Variants in ABCA13 observed in about 807,000 individuals in gnomAD.
ABCA13 encodes ATP binding cassette subfamily A member 13, also known as ATP-binding cassette sub-family A member 13.
Under a neutral mutation model 478.7 loss-of-function variants are expected in ABCA13, and 476 were observed. That is an observed-to-expected ratio of 0.99 (90% confidence interval 0.92 to 1.07). ABCA13 has a LOEUF of 1.07. Ranked by LOEUF, ABCA13 falls within the 50% of genes least tolerant of loss-of-function variation. The pLI, the probability that ABCA13 is intolerant of heterozygous loss-of-function variation, is 0.00. For synonymous variants in ABCA13, 2,252 were observed against 2,158.9 expected, an observed-to-expected ratio of 1.04 and a Z score of -1.20; for missense variants, 6,060 against 5,910.6, an observed-to-expected ratio of 1.03 and a Z score of -0.83.
At position 48,483,423 on chromosome 7, in the gene ABCA13, T is replaced by C. The variant is rs185659715; in HGVS notation, c.13182+260T>C. ...ATATAAAGTGGAGGAAAAAATCTAT[T>C]TTCAAAGATACCCACAGTTGTCATA... On this transcript the variant is annotated intron_variant, in intron 47 of 61. Transcript: ENST00000435803. 1.8e-3 allele frequency among the ~76,000 whole-genome samples: 267 copies of C among 152,338 alleles called. 1 individual carries two copies. The highest frequency in any genetic ancestry group is 6.2e-3 in the African/African-American group (256 of 41,580).
intron 34 of ABCA13, among the ~76,000 whole-genome samples, chr7:48,375,615 T>C (rs532777073): frequency 6.6e-6 from 1 of 150,414 alleles, no homozygotes; most frequent in Admixed American, 6.6e-5. Flanking sequence ...TGGTTTTTTT[T>C]GGGGGGGGGT....
At chr7:48,246,357 G>C (rs1187134698) in intron 13 of ABCA13, among the ~76,000 whole-genome samples, 2 of 149,622 alleles carry the variant, frequency 1.3e-5, no homozygotes, top group Admixed American at 6.7e-5. Context: ...GGAGTCTCTG[G>C]TGATTAGTCA....
intron 52 of ABCA13, among the ~76,000 whole-genome samples, chr7:48,518,654 A>G (rs1046803239): frequency 6.6e-5 from 10 of 152,058 alleles, no homozygotes; most frequent in African/African-American, 2.4e-4. Context: ...TTTTGATATT[A>G]TTTGCTTAGG....
At chr7:48,311,405 G>A (rs1291203411) in intron 24 of ABCA13, among the ~76,000 whole-genome samples, 3 of 152,030 alleles carry the variant, frequency 2.0e-5, no homozygotes, top group Non-Finnish European at 2.9e-5. Context: ...CGTATTTTTC[G>A]CTAACATGCT....
rs1014981516 is a variant in ABCA13, at chr7:48,193,100, A to G, written c.163+48A>G. The G allele has an allele frequency of 1.3e-5, 17 of 1,319,820 alleles. No homozygotes were observed. The African/African-American group carries it at 1.3e-4, about 10-fold the overall frequency. The allele number at this position is 1,319,820 out of a possible 1,614,324, so 81.8% of individuals were successfully genotyped here. A position where few individuals can be genotyped will look rare whatever the true frequency, so the allele number is the denominator to read the frequency against. On this transcript the variant is annotated intron_variant, in intron 2 of 61. Transcript: ENST00000435803. Reference sequence around the variant, plus strand: ...CTTTTTGAATTAACCTTTGGAGAAAAAAAACTCATAGCACTCTTTCTTGTT... The same window carrying G: ...CTTTTTGAATTAACCTTTGGAGAAAGAAAACTCATAGCACTCTTTCTTGTT...
At chr7:48,616,779 G>A (rs1299427290) in intron 59 of ABCA13, among the ~76,000 whole-genome samples, 1 of 152,144 alleles carries the variant, frequency 6.6e-6, no homozygotes, top group African/African-American at 2.4e-5. Flanking sequence ...CTAACACTTT[G>A]GGAGGATGAA....
chr7:48,308,247 G>A (rs765934013), intron 23 of ABCA13, among the ~76,000 whole-genome samples: 5 of 152,096 alleles, frequency 3.3e-5, no homozygotes, highest in Non-Finnish European at 7.4e-5. Flanking sequence ...CCCACTGGGC[G>A]GTCTTCAGGG....
intron 1 of ABCA13, among the ~76,000 whole-genome samples, chr7:48,179,266 G>A (rs1162987394): frequency 6.6e-6 from 1 of 152,172 alleles, no homozygotes; most frequent in African/African-American, 2.4e-5. Context: ...ATTGGAGGCC[G>A]CGGCTATTTA....
rs770501199 is a variant in ABCA13 at position 48,288,004 on chromosome 7, T to C, written c.8881T>C (p.Cys2961Arg). The C allele has an allele frequency of 5.6e-6, 9 of 1,614,026 alleles. No individual in the cohort carries two copies. Among genetic ancestry groups the C allele is most frequent in the Middle Eastern group, 1.6e-4 (1 of 6,062 alleles). Residue 2961 changes from cysteine (C) to arginine (R), a missense_variant, in exon 20 of 62, where the codon TGC becomes CGC. Transcript: ENST00000435803. ...TKDILCATLS[C>R]KQNGIRHLIL... ...GGACATTTTGTGTGCTACTCTGAGT[T>C]GCAAGCAAAATGGGATAAGGCATCT...
At chr7:48,584,697 A>G (rs937309381) in intron 56 of ABCA13, among the ~76,000 whole-genome samples, 4 of 152,176 alleles carry the variant, frequency 2.6e-5, no homozygotes, top group African/African-American at 4.8e-5. Flanking sequence ...TTTCACAAAT[A>G]TATGTGTAGC....
intron 23 of ABCA13, among the ~76,000 whole-genome samples, chr7:48,306,286 T>TA (rs912549373): frequency 6.6e-6 from 1 of 152,122 alleles, no homozygotes; most frequent in Non-Finnish European, 1.5e-5. Flanking sequence ...GACTAGACTC[T>TA]AAAAAACGTA....
chr7:48,410,983 CT>C (rs1162575068), intron 40 of ABCA13, among the ~76,000 whole-genome samples: 4 of 59,812 alleles, frequency 6.7e-5, no homozygotes, highest in African/African-American at 2.5e-4. Context: ...TTTTCTCTTT[CT>C]TTCTTTCTTT....
intron 39 of ABCA13, among the ~76,000 whole-genome samples, chr7:48,406,442 G>A (rs537949359): frequency 3.3e-5 from 5 of 152,260 alleles, no homozygotes; most frequent in East Asian, 3.9e-4. Flanking sequence ...CCATGTGTGC[G>A]CTCAATCAAT....
At chr7:48,305,123 G>A (rs1800710279) in intron 23 of ABCA13, among the ~76,000 whole-genome samples, 1 of 152,198 alleles carries the variant, frequency 6.6e-6, no homozygotes, top group Non-Finnish European at 1.5e-5. Context: ...CTACCCCTGA[G>A]CTGAATGCTT....
chr7:48,628,464 T>C (rs190400741), intron 59 of ABCA13, among the ~76,000 whole-genome samples: 2 of 152,286 alleles, frequency 1.3e-5, no homozygotes, highest in East Asian at 1.9e-4. Flanking sequence ...ATCTTAGCAA[T>C]GGAGACCTGT....
chr7:48,515,931 C>A (rs1418876668), intron 51 of ABCA13, among the ~76,000 whole-genome samples: 1 of 152,058 alleles, frequency 6.6e-6, no homozygotes, highest in Admixed American at 6.5e-5. Flanking sequence ...AGAAGTCAGC[C>A]GACTTTCTCC....
At chr7:48,190,788 C>T (rs573195516) in intron 1 of ABCA13, among the ~76,000 whole-genome samples, 3 of 152,116 alleles carry the variant, frequency 2.0e-5, no homozygotes, top group African/African-American at 4.8e-5. Flanking sequence ...ATTAGTTATA[C>T]ATATACATGT....
intron 45 of ABCA13, among the ~76,000 whole-genome samples, chr7:48,473,464 G>T (rs1457160288): frequency 2.0e-5 from 3 of 152,148 alleles, no homozygotes; most frequent in Non-Finnish European, 1.5e-5. Flanking sequence ...GAACTTTCAG[G>T]CTGCTCTTTG....
intron 43 of ABCA13, among the ~76,000 whole-genome samples, chr7:48,462,432 G>C (rs190418552): frequency 7.4e-6 from 1 of 135,498 alleles, no homozygotes; most frequent in East Asian, 2.2e-4. Flanking sequence ...TTTATCCTTG[G>C]AGTAAAGGAT....
Sources: allele counts gnomAD v4.1 joint callset (sites outside exome capture counted in the v4.1 genomes callset), GRCh38; gene constraint gnomAD v4.1.1; transcripts MANE v1.5; gene names NCBI Gene and HGNC (gene_info 2026-07-23, HGNC 2026-07-21).